Variants in TRIM24 observed in about 807,000 individuals in gnomAD.
The protein encoded by TRIM24 is tripartite motif containing 24, also known as transcription intermediary factor 1-alpha.
A neutral mutation model predicts 123.9 loss-of-function variants in TRIM24; 29 were observed. That is an observed-to-expected ratio of 0.23 (90% CI 0.17 to 0.32). The LOEUF (loss-of-function observed/expected upper bound fraction) is 0.32. Ranked by LOEUF, TRIM24 falls within the 10% of genes least tolerant of loss-of-function variation. The pLI is 1.00. For synonymous variants in TRIM24, 456 were observed against 461.1 expected (o/e 0.99, Z 0.14); for missense variants, 932 against 1,295.3 (o/e 0.72, Z 4.31).
At position 138,538,712 on chromosome 7, in the gene TRIM24, G is replaced by A; in HGVS notation, c.1052G>A (p.Gly351Glu). ...ATGCAACAACAACAGGAAGTGGCTG[G>A]ACTCTCTAAACAATTGGAGCATGTC... ...KLMQQQQEVA[G>E]LSKQLEHVMH... The change falls in exon 7 of 19, where the codon GGA becomes GAA. Residue 351 changes from glycine (G) to glutamate (E), a missense_variant. By Grantham distance (98) the Gly-to-Glu change is moderately conservative. This residue lies in a region of TRIM24 where 527 missense variants were observed against 691.3 expected (regional missense o/e 0.76). Coordinates refer to ENST00000343526, the MANE Select transcript of TRIM24 (RefSeq NM_015905.3). 1.2e-6 allele frequency: 2 copies of A among 1,614,098 alleles called. No homozygotes were observed. Among genetic ancestry groups the A allele is most frequent in the Non-Finnish European group, 1.7e-6 (2 of 1,179,988 alleles).
Position 138,515,244 on chromosome 7 carries a change from C to A in TRIM24, c.516C>A (p.Ala172=). Residue 172 remains alanine, a synonymous_variant, in exon 3 of 19, where the codon GCC becomes GCA. Transcript: ENST00000343526. The part of the protein sequence containing the change: ...VCTSCEDNAE[A]NGFCVECVEW... Reference sequence around the variant, plus strand: ...CAAGCTGTGAGGACAACGCAGAAGCCAATGGGTTTTGTGTAGAGTGTGTTG... The same window carrying A: ...CAAGCTGTGAGGACAACGCAGAAGCAAATGGGTTTTGTGTAGAGTGTGTTG... 1 of 1,613,546 alleles carries A rather than the reference C, an allele frequency of 6.2e-7. No homozygotes were observed. The highest frequency in any genetic ancestry group is 8.5e-7 in the Non-Finnish European group (1 of 1,179,642).
At chr7:138,540,846 T>G (rs1796988924) in intron 7 of TRIM24, among the ~76,000 whole-genome samples, 1 of 152,156 alleles carries the variant, frequency 6.6e-6, no homozygotes, top group African/African-American at 2.4e-5. Flanking sequence ...ACGTATTTCT[T>G]TTTTGTTTTT....
chr7:138,515,150 G>C, intron 2 of TRIM24, 62 bp from the exon 3 acceptor site: 2 of 1,552,732 alleles, frequency 1.3e-6, no homozygotes, highest in African/African-American at 1.4e-5. Context: ...TGTACGCATA[G>C]CTCGAGATAG....
At chr7:138,466,517 TGCAGTGGCGCCATCTCAGCCCA>T (rs1795144445) in intron 1 of TRIM24, among the ~76,000 whole-genome samples, 1 of 120,206 alleles carries the variant, frequency 8.3e-6, no homozygotes, top group Non-Finnish European at 1.6e-5. Context: ...CATACTGGAG[TGCAGTGGCGCCATCTCAGCCCA>T]CTGCAACCTC....
Position 138,567,639 on chromosome 7 carries a change from A to G in TRIM24, c.1689A>G (p.Gln563=). The change falls in exon 10 of 19, where the codon CAA becomes CAG. Residue 563 remains glutamine, a synonymous_variant. Coordinates refer to ENST00000343526, the MANE Select transcript of TRIM24 (RefSeq NM_015905.3). The stretch of plus-strand genomic sequence containing the variant: ...CCCTACAGATGGCTTTCTTGGCTCA[A>G]CAAGCCATAAAACAGGTATATATCT... ...PNPLQMAFLA[Q]QAIKQWQISS... 1 of 1,611,754 alleles carries G rather than the reference A, an allele frequency of 6.2e-7. No individual in the cohort carries two copies. Among genetic ancestry groups the G allele is most frequent in the Non-Finnish European group, 8.5e-7 (1 of 1,179,200 alleles).
chr7:138,517,830 A>C (rs1286314017), intron 3 of TRIM24, among the ~76,000 whole-genome samples: 4 of 152,168 alleles, frequency 2.6e-5, no homozygotes, highest in African/African-American at 9.7e-5. Context: ...AATGCATTCT[A>C]AGATAGTAAA....
intron 12 of TRIM24, among the ~76,000 whole-genome samples, chr7:138,575,086 C>T (rs1338607610): frequency 6.6e-6 from 1 of 152,060 alleles, no homozygotes; most frequent in Non-Finnish European, 1.5e-5. Flanking sequence ...TAATGGCATG[C>T]TCATGGACTA....
chr7:138,491,986 T>G (rs1330702453), intron 1 of TRIM24, among the ~76,000 whole-genome samples: 1 of 151,532 alleles, frequency 6.6e-6, no homozygotes, highest in African/African-American at 2.4e-5. Context: ...AAATGTCAGA[T>G]AGGCACAGTG....
Position 138,583,847 on chromosome 7 carries a change from T to C in TRIM24, c.2794-3T>C. 1 of 1,543,978 alleles carries C rather than the reference T, an allele frequency of 6.5e-7. No homozygotes were observed. Among genetic ancestry groups the C allele is most frequent in the Non-Finnish European group, 8.8e-7 (1 of 1,139,202 alleles). On this transcript the variant is annotated splice_region_variant and splice_polypyrimidine_tract_variant and intron_variant, in intron 17 of 18. Coordinates refer to ENST00000343526, the MANE Select transcript of TRIM24 (RefSeq NM_015905.3). Reference sequence around the variant, plus strand: ...GTATTATAACATCTCATTTTTTTAATAGGTGCCTGATTATTACAAAATAAT... The same window carrying C: ...GTATTATAACATCTCATTTTTTTAACAGGTGCCTGATTATTACAAAATAAT...
At chr7:138,578,073 A>AAGAC (rs1797801539) in intron 14 of TRIM24, among the ~76,000 whole-genome samples, 1 of 152,180 alleles carries the variant, frequency 6.6e-6, no homozygotes, top group African/African-American at 2.4e-5. Context: ...CTGTAGCAGG[A>AAGAC]AGACATAGGA....
At chr7:138,538,087 C>T (rs1380275231) in intron 6 of TRIM24, among the ~76,000 whole-genome samples, 1 of 152,152 alleles carries the variant, frequency 6.6e-6, no homozygotes, top group East Asian at 1.9e-4. Context: ...TGCATTGGCC[C>T]ACTCATTCAG....
chr7:138,532,388 T>G (rs1796766942), intron 6 of TRIM24, among the ~76,000 whole-genome samples: 1 of 152,194 alleles, frequency 6.6e-6, no homozygotes, highest in Non-Finnish European at 1.5e-5. Context: ...GAATTAATTT[T>G]TGTATCAGGT....
chr7:138,506,225 A>G (rs1180070792), intron 2 of TRIM24, among the ~76,000 whole-genome samples: 1 of 152,240 alleles, frequency 6.6e-6, no homozygotes, highest in Non-Finnish European at 1.5e-5. Context: ...GTCAAAGGCC[A>G]AAACAGACAC....
chr7:138,509,387 G>C (rs952400679), intron 2 of TRIM24, among the ~76,000 whole-genome samples: 6 of 149,202 alleles, frequency 4.0e-5, no homozygotes, highest in Non-Finnish European at 7.4e-5. Flanking sequence ...GGTGCAATTA[G>C]GAATCATTTT....
At chr7:138,546,615 C>T (rs980824396) in intron 7 of TRIM24, among the ~76,000 whole-genome samples, 7 of 152,196 alleles carry the variant, frequency 4.6e-5, no homozygotes, top group East Asian at 3.9e-4. Flanking sequence ...AGACTAATAA[C>T]GTGTGTAGGA....
chr7:138,562,928 G>C (rs1375997471), intron 9 of TRIM24, among the ~76,000 whole-genome samples: 1 of 152,180 alleles, frequency 6.6e-6, no homozygotes, highest in Non-Finnish European at 1.5e-5. Context: ...CTCCCCAGCA[G>C]GGGAACTGGG....
Position 138,460,404 on chromosome 7 carries a change from C to A in TRIM24, c.-145C>A. The A allele has an allele frequency of 6.7e-6, 6 of 895,658 alleles. No homozygotes were observed. Among genetic ancestry groups the A allele is most frequent in the Non-Finnish European group, 7.4e-6 (5 of 679,354 alleles). 55.5% of individuals were successfully genotyped at this position (895,658 alleles called of 1,614,324 possible). On this transcript the variant is annotated 5_prime_UTR_variant, in exon 1 of 19. Transcript: ENST00000343526. ...GTGGGCCTGAGGAGGCTTCCCCCGC[C>A]CGGTTTGCTTTCCCTCCCTCGCTGG...
intron 2 of TRIM24, among the ~76,000 whole-genome samples, chr7:138,506,480 C>T (rs915425831): frequency 6.6e-6 from 1 of 151,982 alleles, no homozygotes; most frequent in African/African-American, 2.4e-5. Flanking sequence ...ATCCAGAAAA[C>T]TAAAAAATAC....
intron 1 of TRIM24, among the ~76,000 whole-genome samples, chr7:138,501,039 T>A (rs1226028742): frequency 6.6e-6 from 1 of 152,082 alleles, no homozygotes; most frequent in Non-Finnish European, 1.5e-5. Context: ...TTGCTCTGAA[T>A]GAGTCAGGGA....
Sources: allele counts gnomAD v4.1 joint callset (sites outside exome capture counted in the v4.1 genomes callset), GRCh38; gene constraint gnomAD v4.1.1; regional missense constraint gnomAD v4.1.1; transcripts MANE v1.5; gene names NCBI Gene and HGNC (gene_info 2026-07-23, HGNC 2026-07-21).